FSIP1: variants seen among roughly 807,000 people sequenced by gnomAD.
The protein encoded by FSIP1 is fibrous sheath interacting protein 1, also known as fibrous sheath-interacting protein 1.
FSIP1 carries 65 observed loss-of-function variants against 60.9 expected under a neutral mutation model. The observed-to-expected ratio is 1.07, with a 90% CI of 0.87 to 1.31. The LOEUF is 1.31. Among genes scored for constraint, FSIP1 ranks in the 40% most tolerant of loss-of-function variants. The pLI is 0.00. For missense variants in FSIP1, 675 were observed against 665.5 expected, an observed-to-expected ratio of 1.01 and a Z score of -0.16; for synonymous variants, 209 against 221.2, an observed-to-expected ratio of 0.94 and a Z score of 0.49.
intron 10 of FSIP1, among the ~76,000 whole-genome samples, chr15:39,659,541 C>CAA (rs911774566): frequency 3.9e-4 from 24 of 61,800 alleles, no homozygotes; most frequent in East Asian, 1.9e-3. Context: ...GACTCCTCCT[C>CAA]AAAAAAAAAA....
chr15:39,776,033 T>C (rs1295671055), intron 2 of FSIP1, among the ~76,000 whole-genome samples: 1 of 147,210 alleles, frequency 6.8e-6, no homozygotes, highest in Non-Finnish European at 1.5e-5. Flanking sequence ...AAAACTTCCT[T>C]ATAAAGAAAA....
rs575014767 is a variant in FSIP1, at chr15:39,666,772, A to G, written c.1188+46672T>C. On this transcript the variant is annotated intron_variant, in intron 10 of 11. Transcript: ENST00000350221. Reference sequence around the variant, plus strand: ...AATTGAAGTCTTAAGACCACAACTAACAAAAAGCAAGTACTTTGCTCCTTC... The same window carrying G: ...AATTGAAGTCTTAAGACCACAACTAGCAAAAAGCAAGTACTTTGCTCCTTC... Among the ~76,000 whole-genome samples, 5 of 152,336 alleles carry G rather than the reference A, an allele frequency of 3.3e-5. 1 individual carries two copies. The East Asian group carries it at 9.6e-4, about 29-fold the overall frequency.
At chr15:39,729,605 T>A (rs1896327673) in intron 8 of FSIP1, among the ~76,000 whole-genome samples, 1 of 151,914 alleles carries the variant, frequency 6.6e-6, no homozygotes, top group Non-Finnish European at 1.5e-5. Flanking sequence ...CATGCATGCG[T>A]ATGTTCATCG....
chr15:39,667,382 G>C lies in FSIP1; in HGVS notation c.1188+46062C>G, dbSNP rs116208657. Reference sequence around the variant, plus strand: ...GTCTCTGGTAGCACATGTAGAGCTTGACTTAAGTGGGATTTACACCGGTCT... The same window carrying C: ...GTCTCTGGTAGCACATGTAGAGCTTCACTTAAGTGGGATTTACACCGGTCT... On this transcript the variant is annotated intron_variant, in intron 10 of 11. Coordinates refer to ENST00000350221, the MANE Select transcript of FSIP1 (RefSeq NM_152597.5). Among the ~76,000 whole-genome samples the C allele has an allele frequency of 9.3e-3, 1,413 of 152,272 alleles. 29 individuals carry two copies. Among genetic ancestry groups the C allele is most frequent in the African/African-American group, 0.033 (1,360 of 41,540 alleles).
chr15:39,778,581 G>A lies in FSIP1; in HGVS notation c.-7-2050C>T, dbSNP rs970869825. On this transcript the variant is annotated intron_variant, in intron 1 of 11. Coordinates refer to ENST00000350221, the MANE Select transcript of FSIP1 (RefSeq NM_152597.5). ...GAGAAGAAATTGCAACTGCCACAAA[G>A]AAATTCCACAAGAAAAATAAAGCAT... 6.6e-5 allele frequency among the ~76,000 whole-genome samples: 10 copies of A among 152,226 alleles called. No individual in the cohort carries two copies. The East Asian group carries it at 1.5e-3, about 23-fold the overall frequency.
At position 39,685,027 on chromosome 15, in the gene FSIP1, CAAAT is replaced by C. The variant is rs201740015; in HGVS notation, c.1188+28413_1188+28416del. 9.8e-3 allele frequency among the ~76,000 whole-genome samples: 1,498 copies of C among 152,290 alleles called. 26 individuals carry two copies. Among genetic ancestry groups the C allele is most frequent in the African/African-American group, 0.033 (1,368 of 41,554 alleles). On this transcript the variant is annotated intron_variant, in intron 10 of 11. Coordinates refer to ENST00000350221, the MANE Select transcript of FSIP1 (RefSeq NM_152597.5). Reference sequence around the variant, plus strand: ...AGGACCTTGAGAACCCAGACTCCTACAAATCACACTATTTTTGTGTATTTTTCTC... The same window carrying C: ...AGGACCTTGAGAACCCAGACTCCTACCACACTATTTTTGTGTATTTTTCTC...
intron 8 of FSIP1, among the ~76,000 whole-genome samples, chr15:39,728,309 G>A (rs68183224): frequency 0.41 from 62,188 of 151,998 alleles, 15,646 homozygotes; most frequent in African/African-American, 0.69. Context: ...TATGAAACCA[G>A]AAAAGAGCCT....
intron 5 of FSIP1, among the ~76,000 whole-genome samples, chr15:39,749,121 G>C (rs1233262341): frequency 2.6e-5 from 4 of 151,482 alleles, no homozygotes; most frequent in Admixed American, 2.0e-4. Flanking sequence ...CAGAAAGCCT[G>C]AACAGATCTA....
chr15:39,751,166 T>C (rs1479196623), intron 5 of FSIP1, among the ~76,000 whole-genome samples: 2 of 151,876 alleles, frequency 1.3e-5, no homozygotes, highest in Admixed American at 1.3e-4. Context: ...GTATACTGTT[T>C]GAGGGAATAC....
intron 5 of FSIP1, among the ~76,000 whole-genome samples, chr15:39,752,892 A>G (rs2140675024): frequency 6.6e-6 from 1 of 152,230 alleles, no homozygotes; most frequent in East Asian, 1.9e-4. Flanking sequence ...TACCATATTC[A>G]TAATTTTTCT....
chr15:39,675,754 G>A (rs1893911568), intron 10 of FSIP1, among the ~76,000 whole-genome samples: 1 of 152,168 alleles, frequency 6.6e-6, no homozygotes. Flanking sequence ...GGTGTCATAT[G>A]CAGTCTCCTT....
intron 10 of FSIP1, among the ~76,000 whole-genome samples, chr15:39,651,474 T>C (rs1379177212): frequency 6.6e-6 from 1 of 152,226 alleles, no homozygotes; most frequent in African/African-American, 2.4e-5. Flanking sequence ...GAAAAGTGCA[T>C]TATTTCCTCC....
Position 39,726,705 on chromosome 15 carries a change from GTT to G in FSIP1, c.932_933del (p.Glu311AlafsTer11). ...SGWVVPVKGY[E>X]LAVTQHQQLA... ...AGCTGCTGATGCTGGGTGACTGCAA[GTT>G]CATATCCTTTTACTGGGACCACCCA... On this transcript the variant is annotated frameshift_variant, in exon 9 of 12. Coordinates refer to ENST00000350221, the MANE Select transcript of FSIP1 (RefSeq NM_152597.5). LOFTEE classifies it high-confidence loss of function. 6.2e-7 allele frequency: 1 copy of G among 1,614,066 alleles called. No homozygotes were observed. The highest frequency in any genetic ancestry group is 8.5e-7 in the Non-Finnish European group (1 of 1,179,974).
chr15:39,775,808 C>T (rs933440663), intron 2 of FSIP1, among the ~76,000 whole-genome samples: 3 of 152,124 alleles, frequency 2.0e-5, no homozygotes, highest in Non-Finnish European at 4.4e-5. Context: ...AGCCATGCTT[C>T]CTGTACAGCC....
In FSIP1 at chr15:39,776,516, A is replaced by G. The variant is rs1351867796; in HGVS notation, c.9T>C (p.Ile3=). MD[I]IKGNLDGISK... is the part of the protein sequence containing the mutation. ...AAATTCCATCTAGGTTTCCCTTTAT[A>G]ATATCCATTGAAATCCTGAAACAAC... Residue 3 remains isoleucine (I), a synonymous_variant, in exon 2 of 12, where the codon ATT becomes ATC. Coordinates refer to ENST00000350221, the MANE Select transcript of FSIP1 (RefSeq NM_152597.5). The G allele has an allele frequency of 1.9e-6, 3 of 1,607,900 alleles. No homozygotes were observed. The highest frequency in any genetic ancestry group is 2.7e-5 in the African/African-American group (2 of 74,620).
intron 10 of FSIP1, among the ~76,000 whole-genome samples, chr15:39,630,186 A>T (rs16969445): frequency 0.092 from 13,968 of 152,256 alleles, 776 homozygotes; most frequent in East Asian, 0.21. Flanking sequence ...CTGTCCTTTT[A>T]CATTTGCCAA....
chr15:39,730,123 G>A (rs913083510), intron 8 of FSIP1, among the ~76,000 whole-genome samples: 2 of 151,720 alleles, frequency 1.3e-5, no homozygotes, highest in African/African-American at 4.8e-5. Context: ...AAAAGAACAA[G>A]TTCCTGATTT....
intron 11 of FSIP1, among the ~76,000 whole-genome samples, chr15:39,616,179 A>G (rs1379727319): frequency 6.6e-6 from 1 of 152,226 alleles, no homozygotes; most frequent in Non-Finnish European, 1.5e-5. Context: ...CATAATTCTT[A>G]AGCAACATTA....
intron 10 of FSIP1, among the ~76,000 whole-genome samples, chr15:39,699,241 C>T (rs545752303): frequency 5.3e-5 from 8 of 152,214 alleles, no homozygotes; most frequent in Admixed American, 3.3e-4. Context: ...TAAGGAAGAA[C>T]GGTAAATGGA....
Sources: gnomAD v4.1 joint callset for allele counts (sites outside exome capture counted in the v4.1 genomes callset) on GRCh38, gnomAD v4.1.1 for gene constraint, MANE v1.5 for transcripts, NCBI Gene and HGNC (gene_info 2026-07-23, HGNC 2026-07-21) for gene names.